The following MEGF9 variants were observed in gnomAD, a reference collection of about 807,000 sequenced individuals.
MEGF9 encodes the protein multiple EGF like domains 9.
A neutral mutation model predicts 46.8 loss-of-function variants in MEGF9; 6 were observed. That is an observed-to-expected ratio of 0.13 (90% CI 0.07 to 0.25). The LOEUF (loss-of-function observed/expected upper bound fraction) is 0.25. MEGF9 is among the 10% of genes least tolerant of loss of function. The probability of loss-of-function intolerance (pLI) is 1.00; values close to 1 mark genes in which losing one functional copy is unlikely to be tolerated. For synonymous variants in MEGF9, 302 were observed against 330.7 expected, an observed-to-expected ratio of 0.91 and a Z score of 0.94; for missense variants, 683 against 792.4, an observed-to-expected ratio of 0.86 and a Z score of 1.66.
intron 1 of MEGF9, among the ~76,000 whole-genome samples, chr9:120,663,000 GAGA>G (rs1338597279): frequency 6.6e-6 from 1 of 152,174 alleles, no homozygotes; most frequent in African/African-American, 2.4e-5. Flanking sequence ...TGTGGCTTCA[GAGA>G]AGATGAAAAA....
At chr9:120,707,900 C>T (rs2043935807) in intron 1 of MEGF9, among the ~76,000 whole-genome samples, 1 of 152,064 alleles carries the variant, frequency 6.6e-6, no homozygotes, top group African/African-American at 2.4e-5. Context: ...AGAAAGTTAG[C>T]TGGGTATGGT....
chr9:120,642,378 A>G (rs997407399), intron 2 of MEGF9, among the ~76,000 whole-genome samples: 6 of 152,236 alleles, frequency 3.9e-5, no homozygotes, highest in African/African-American at 1.2e-4. Context: ...TTCAGGGTAC[A>G]GTGGGAAGAG....
chr9:120,711,871 A>AC (rs1554800506), intron 1 of MEGF9, among the ~76,000 whole-genome samples: 6 of 150,224 alleles, frequency 4.0e-5, no homozygotes, highest in African/African-American at 1.5e-4. Context: ...ACACACACAC[A>AC]CCCACAGGCC....
intron 1 of MEGF9, among the ~76,000 whole-genome samples, chr9:120,699,736 A>G (rs2043894995): frequency 6.6e-6 from 1 of 151,448 alleles, no homozygotes; most frequent in Non-Finnish European, 1.5e-5. Context: ...AAAAAAAAAA[A>G]AAAAAAAAGT....
chr9:120,685,462 A>G (rs576040544), intron 1 of MEGF9, among the ~76,000 whole-genome samples: 1 of 152,232 alleles, frequency 6.6e-6, no homozygotes, highest in Non-Finnish European at 1.5e-5. Context: ...AGTCTTGGAG[A>G]AACAGGCAAT....
At chr9:120,657,086 C>T (rs1246088057) in intron 2 of MEGF9, among the ~76,000 whole-genome samples, 1 of 152,212 alleles carries the variant, frequency 6.6e-6, no homozygotes, top group East Asian at 1.9e-4. Context: ...GCAGCCCATA[C>T]AGTCTCTATC....
chr9:120,635,436 C>T (rs1423253285), intron 2 of MEGF9, among the ~76,000 whole-genome samples: 4 of 152,176 alleles, frequency 2.6e-5, no homozygotes. Flanking sequence ...CTAGAACTCT[C>T]ACAATACAAA....
At chr9:120,642,840 T>G (rs943308932) in intron 2 of MEGF9, among the ~76,000 whole-genome samples, 1 of 152,246 alleles carries the variant, frequency 6.6e-6, no homozygotes, top group African/African-American at 2.4e-5. Flanking sequence ...AAGCCATACT[T>G]GCATTACTGC....
At chr9:120,710,694 C>T (rs1027230209) in intron 1 of MEGF9, among the ~76,000 whole-genome samples, 5 of 152,174 alleles carry the variant, frequency 3.3e-5, no homozygotes, top group South Asian at 4.1e-4. Context: ...CTTACAGGAA[C>T]GTTGAAATTA....
chr9:120,683,973 A>C (rs2043810196), intron 1 of MEGF9, among the ~76,000 whole-genome samples: 1 of 152,186 alleles, frequency 6.6e-6, no homozygotes, highest in Non-Finnish European at 1.5e-5. Context: ...TATAAATACA[A>C]ATAAAAATGT....
At chr9:120,634,523 T>C (rs4837788) in intron 2 of MEGF9, among the ~76,000 whole-genome samples, 105,995 of 135,576 alleles carry the variant, frequency 0.78, 41,357 homozygotes, top group Admixed American at 0.88. Flanking sequence ...GGCGCAATCT[T>C]GGCTCACTGC....
At chr9:120,624,623 T>G (rs572370199) in intron 2 of MEGF9, among the ~76,000 whole-genome samples, 1 of 152,270 alleles carries the variant, frequency 6.6e-6, no homozygotes, top group African/African-American at 2.4e-5. Flanking sequence ...TCCCAGCACT[T>G]TGGGAGGCTG....
chr9:120,656,601 T>C (rs549810091), intron 2 of MEGF9, among the ~76,000 whole-genome samples: 39 of 150,898 alleles, frequency 2.6e-4, no homozygotes, highest in African/African-American at 8.3e-4. Flanking sequence ...AAGTAGTTAG[T>C]AGAGTGCCCT....
rs944451540 is a variant in MEGF9 at position 120,605,806 on chromosome 9, A to G, written c.1358-165T>C. ...ATAATGTTTAAAGAAATATAGTGAT[A>G]AGGGTAAGAATCAGGGTCTAGAAAG... On this transcript the variant is annotated intron_variant, in intron 5 of 5. Transcript: ENST00000373930. This position sits in a 1 kb window ranked among gnomAD's most constrained non-coding sequence, Gnocchi z 4.0. 2.0e-5 allele frequency among the ~76,000 whole-genome samples: 3 copies of G among 152,228 alleles called. No homozygotes were observed. The highest frequency in any genetic ancestry group is 2.9e-5 in the Non-Finnish European group (2 of 68,036).
At chr9:120,634,105 T>A (rs373694397) in intron 2 of MEGF9, among the ~76,000 whole-genome samples, 28 of 152,334 alleles carry the variant, frequency 1.8e-4, no homozygotes, top group Admixed American at 5.9e-4. Context: ...TAGGTCCATT[T>A]GGTCTCAAGT....
chr9:120,700,148 G>C (rs2043897614), intron 1 of MEGF9, among the ~76,000 whole-genome samples: 2 of 152,246 alleles, frequency 1.3e-5, no homozygotes, highest in South Asian at 4.1e-4. Flanking sequence ...TTGGTGACTG[G>C]AAGTTTCATT....
At chr9:120,652,164 ACACACAC>A (rs1486182481) in intron 2 of MEGF9, among the ~76,000 whole-genome samples, 2 of 39,780 alleles carry the variant, frequency 5.0e-5, no homozygotes, top group African/African-American at 8.3e-5. Flanking sequence ...ACACACACAC[ACACACAC>A]ACACACACAC....
At position 120,637,297 on chromosome 9, in the gene MEGF9, G is replaced by A. The variant is rs184970856; in HGVS notation, c.804-14542C>T. On this transcript the variant is annotated intron_variant, in intron 2 of 5. Transcript: ENST00000373930. The stretch of plus-strand genomic sequence containing the variant: ...GACACAAACACTGTGGAAGGCCGCA[G>A]GGTCCTCTGCCTAGGAAAACCAGAG... Among the ~76,000 whole-genome samples, 332 of 152,184 alleles carry A rather than the reference G, an allele frequency of 2.2e-3. 3 individuals carry two copies. The highest frequency in any genetic ancestry group is 7.5e-3 in the African/African-American group (311 of 41,522).
intron 2 of MEGF9, among the ~76,000 whole-genome samples, chr9:120,647,157 T>TG (rs2043629576): frequency 2.0e-5 from 3 of 152,030 alleles, no homozygotes; most frequent in African/African-American, 7.2e-5. Flanking sequence ...TTTTTTTTTT[T>TG]CATTCATTTG....
Sources: allele counts gnomAD v4.1 joint callset (sites outside exome capture counted in the v4.1 genomes callset), GRCh38; gene constraint gnomAD v4.1.1; non-coding constraint Gnocchi (gnomAD v3.1); transcripts MANE v1.5; gene names NCBI Gene and HGNC (gene_info 2026-07-23, HGNC 2026-07-21).